The following HSD11B1 variants were observed in gnomAD, a reference collection of about 807,000 sequenced individuals.
HSD11B1 encodes the protein hydroxysteroid 11-beta dehydrogenase 1.
HSD11B1 carries 15 observed loss-of-function variants against 22.1 expected under a neutral mutation model. That is an observed-to-expected ratio of 0.68 (90% CI 0.45 to 1.04). The LOEUF (loss-of-function observed/expected upper bound fraction) is 1.04. Ranked by LOEUF, HSD11B1 falls within the 50% of genes least tolerant of loss-of-function variation. The probability of loss-of-function intolerance (pLI) is 0.00; values close to 1 mark genes in which losing one functional copy is unlikely to be tolerated. For synonymous variants in HSD11B1, 122 were observed against 125.2 expected, an observed-to-expected ratio of 0.97 and a Z score of 0.17; for missense variants, 281 against 357.6, an observed-to-expected ratio of 0.79 and a Z score of 1.73.
chr1:209,734,713 C>A lies in HSD11B1; in HGVS notation c.*192C>A. On this transcript the variant is annotated 3_prime_UTR_variant, in exon 6 of 6. Coordinates refer to ENST00000367027, the MANE Select transcript of HSD11B1 (RefSeq NM_005525.4). ...AAATGTAATAATAATGAATGTCATG[C>A]ACCGCTGCAGCCAGCAGTTGTAAAA... The A allele has an allele frequency of 1.7e-6, 1 of 573,608 alleles. No individual in the cohort carries two copies. The allele number at this position is 573,608 out of a possible 1,614,324, so 35.5% of individuals were successfully genotyped here.
intron 4 of HSD11B1, among the ~76,000 whole-genome samples, chr1:209,727,243 A>G (rs1466889946): frequency 6.6e-6 from 1 of 152,226 alleles, no homozygotes; most frequent in Non-Finnish European, 1.5e-5. Context: ...GAAGAGAAAA[A>G]AGAAGGATTC....
intron 1 of HSD11B1, among the ~76,000 whole-genome samples, chr1:209,697,797 C>T (rs1314040325): frequency 6.7e-6 from 1 of 149,368 alleles, no homozygotes; most frequent in Non-Finnish European, 1.5e-5. Flanking sequence ...CCCACTGCCA[C>T]TTCTAAGCTT....
intron 4 of HSD11B1, among the ~76,000 whole-genome samples, chr1:209,730,487 C>T (rs1278155126): frequency 6.6e-6 from 1 of 152,202 alleles, no homozygotes; most frequent in Non-Finnish European, 1.5e-5. Context: ...TTAGATTTCT[C>T]ATTGACCAGA....
At chr1:209,717,920 T>G (rs576775257) in intron 4 of HSD11B1, among the ~76,000 whole-genome samples, 1 of 147,328 alleles carries the variant, frequency 6.8e-6, no homozygotes, top group African/African-American at 2.5e-5. Context: ...AAGAGATATA[T>G]GCAACTCCAG....
chr1:209,709,208 G>A (rs1158156850), intron 4 of HSD11B1, among the ~76,000 whole-genome samples: 1 of 152,154 alleles, frequency 6.6e-6, no homozygotes, highest in Admixed American at 6.6e-5. Flanking sequence ...TTGAGTTTCA[G>A]TGATAAAGAA....
intron 4 of HSD11B1, among the ~76,000 whole-genome samples, chr1:209,713,777 T>C (rs745706326): frequency 1.3e-5 from 2 of 152,220 alleles, no homozygotes; most frequent in African/African-American, 2.4e-5. Flanking sequence ...TAAGGAATAA[T>C]GACAAGATTT....
chr1:209,722,891 A>G (rs928459665), intron 4 of HSD11B1, among the ~76,000 whole-genome samples: 2 of 152,214 alleles, frequency 1.3e-5, no homozygotes, highest in African/African-American at 4.8e-5. Context: ...TCATTTCAAA[A>G]TCTCAGCAAG....
intron 4 of HSD11B1, among the ~76,000 whole-genome samples, chr1:209,718,113 G>A (rs982584285): frequency 1.3e-5 from 2 of 152,120 alleles, no homozygotes; most frequent in African/African-American, 4.8e-5. Context: ...GTTGGCAGGA[G>A]GGTGAAGAGG....
intron 4 of HSD11B1, among the ~76,000 whole-genome samples, chr1:209,721,364 G>T (rs569409243): frequency 2.7e-5 from 4 of 149,042 alleles, no homozygotes; most frequent in Non-Finnish European, 5.9e-5. Flanking sequence ...GGTCAGCAAT[G>T]ACCTCAATTA....
intron 5 of HSD11B1, among the ~76,000 whole-genome samples, chr1:209,733,104 C>A (rs1465345500): frequency 1.3e-5 from 2 of 152,166 alleles, no homozygotes. Context: ...TGCTGAACAC[C>A]TTATGTCCTC....
upstream of HSD11B1, among the ~76,000 whole-genome samples, chr1:209,704,597 G>A (rs146478445): frequency 1.2e-3 from 188 of 152,230 alleles, no homozygotes; most frequent in Non-Finnish European, 2.1e-3. Flanking sequence ...GATCCCTGGC[G>A]TAAATGGTGT....
intron 1 of HSD11B1, among the ~76,000 whole-genome samples, chr1:209,699,390 C>T (rs1382611921): frequency 6.6e-6 from 1 of 152,170 alleles, no homozygotes; most frequent in Non-Finnish European, 1.5e-5. Flanking sequence ...AGCCACAAGG[C>T]ACTTCTTACA....
At chr1:209,694,284 T>C (rs192315037) in intron 1 of HSD11B1, among the ~76,000 whole-genome samples, 2 of 152,330 alleles carry the variant, frequency 1.3e-5, no homozygotes, top group Admixed American at 1.3e-4. Context: ...ACTGAGCACC[T>C]ACCCTGTGCC....
upstream of HSD11B1, among the ~76,000 whole-genome samples, chr1:209,703,629 A>C (rs564841557): frequency 1.3e-5 from 2 of 152,246 alleles, no homozygotes; most frequent in Non-Finnish European, 2.9e-5. Context: ...TAAAGTGAAA[A>C]TTTGATGAAT....
chr1:209,724,935 C>A (rs1292477844), intron 4 of HSD11B1, among the ~76,000 whole-genome samples: 1 of 152,042 alleles, frequency 6.6e-6, no homozygotes, highest in Non-Finnish European at 1.5e-5. Flanking sequence ...TCCTTATCTG[C>A]AATTCCAAAA....
At chr1:209,708,972 C>T (rs1307491338) in intron 4 of HSD11B1, among the ~76,000 whole-genome samples, 3 of 152,200 alleles carry the variant, frequency 2.0e-5, no homozygotes, top group Admixed American at 6.5e-5. Context: ...TGTCTATGAA[C>T]TTGCAAAGTA....
chr1:209,730,421 C>G (rs2077028632), intron 4 of HSD11B1, among the ~76,000 whole-genome samples: 1 of 152,184 alleles, frequency 6.6e-6, no homozygotes, highest in Admixed American at 6.5e-5. Flanking sequence ...AGTTGCATGC[C>G]ACCTGAATCC....
At chr1:209,720,964 C>T (rs762831611) in intron 4 of HSD11B1, among the ~76,000 whole-genome samples, 8 of 152,102 alleles carry the variant, frequency 5.3e-5, no homozygotes, top group Non-Finnish European at 1.2e-4. Flanking sequence ...GCTCTTAATC[C>T]ACTGCCAAAT....
At chr1:209,709,502 C>T (rs915686223) in intron 4 of HSD11B1, among the ~76,000 whole-genome samples, 4 of 152,140 alleles carry the variant, frequency 2.6e-5, no homozygotes, top group Admixed American at 1.3e-4. Context: ...AACGAAGACC[C>T]GAATTTACAA....
Sources: allele counts gnomAD v4.1 joint callset (sites outside exome capture counted in the v4.1 genomes callset), GRCh38; gene constraint gnomAD v4.1.1; transcripts MANE v1.5; gene names NCBI Gene and HGNC (gene_info 2026-07-23, HGNC 2026-07-21).